The following SEC24A variants were observed in gnomAD, a reference collection of about 807,000 sequenced individuals.
SEC24A encodes SEC24 homolog A, COPII component, also known as protein transport protein Sec24A.
Under a neutral mutation model 129.4 loss-of-function variants are expected in SEC24A, and 93 were observed. The ratio of observed to expected loss-of-function variants is 0.72; its 90% CI spans 0.61 to 0.85. The LOEUF is 0.85. Ranked by LOEUF, SEC24A falls within the 40% of genes least tolerant of loss-of-function variation. SEC24A has a pLI of 0.00. For synonymous variants in SEC24A, 460 were observed against 467.3 expected (o/e 0.98, Z 0.20); for missense variants, 1,264 against 1,307.4 (o/e 0.97, Z 0.51).
intron 15 of SEC24A, among the ~76,000 whole-genome samples, chr5:134,702,586 A>C (rs1167968241): frequency 6.6e-6 from 1 of 152,162 alleles, no homozygotes; most frequent in Admixed American, 6.6e-5. Flanking sequence ...CTCCATGGAA[A>C]ATGTATCTTA....
At chr5:134,724,588 CAAA>C in intron 22 of SEC24A, among the ~76,000 whole-genome samples, 1 of 91,388 alleles carries the variant, frequency 1.1e-5, no homozygotes, top group South Asian at 3.8e-4. Context: ...AACTCCATCT[CAAA>C]AAAAAAAAAA....
intron 13 of SEC24A, among the ~76,000 whole-genome samples, chr5:134,696,327 G>T (rs1198371854): frequency 6.6e-6 from 1 of 151,762 alleles, no homozygotes; most frequent in Non-Finnish European, 1.5e-5. Context: ...TAGGGTAGTT[G>T]AAAGGACTAA....
chr5:134,670,717 C>T (rs998971398), intron 3 of SEC24A, among the ~76,000 whole-genome samples: 3 of 152,214 alleles, frequency 2.0e-5, no homozygotes, highest in Non-Finnish European at 4.4e-5. Flanking sequence ...GGGCTGGGCA[C>T]GGTGGCTCAT....
intron 9 of SEC24A, among the ~76,000 whole-genome samples, chr5:134,684,064 G>A (rs1424263370): frequency 6.6e-6 from 1 of 152,038 alleles, no homozygotes; most frequent in Non-Finnish European, 1.5e-5. Flanking sequence ...CAGCACTTTG[G>A]GATGCCAAGC....
chr5:134,682,822 C>T (rs1205233240), intron 9 of SEC24A, among the ~76,000 whole-genome samples: 1 of 152,154 alleles, frequency 6.6e-6, no homozygotes, highest in Non-Finnish European at 1.5e-5. Context: ...CCACCTTGGC[C>T]TCCCAAAGTG....
intron 12 of SEC24A, 137 bp from the exon 13 acceptor site, chr5:134,693,590 C>T (rs964292283): frequency 1.0e-5 from 15 of 1,434,018 alleles, no homozygotes; most frequent in Middle Eastern, 2.6e-4. Flanking sequence ...GTCATTTGAC[C>T]AACTTCATTG....
intron 1 of SEC24A, among the ~76,000 whole-genome samples, chr5:134,658,843 G>A (rs1328626613): frequency 2.0e-5 from 3 of 152,064 alleles, no homozygotes; most frequent in African/African-American, 7.2e-5. Context: ...GGTGTGGTGT[G>A]GAAATTTCTC....
intron 15 of SEC24A, among the ~76,000 whole-genome samples, chr5:134,700,253 C>T (rs900922896): frequency 1.7e-4 from 26 of 151,816 alleles, no homozygotes; most frequent in African/African-American, 6.0e-4. Context: ...CAGAGTGTTG[C>T]TCTGTCCCCC....
chr5:134,684,387 G>A (rs1241668315), intron 9 of SEC24A, among the ~76,000 whole-genome samples: 1 of 151,644 alleles, frequency 6.6e-6, no homozygotes, highest in Admixed American at 6.6e-5. Context: ...TGAGGAACCA[G>A]TCTCCTTACC....
chr5:134,679,060 G>GA (rs992870902), intron 7 of SEC24A, among the ~76,000 whole-genome samples: 10 of 151,464 alleles, frequency 6.6e-5, no homozygotes, highest in East Asian at 1.9e-4. Context: ...GTTTAATGAG[G>GA]AAAAAAATGG....
chr5:134,696,897 G>C lies in SEC24A; in HGVS notation c.1987-229G>C, dbSNP rs755331855. Among the ~76,000 whole-genome samples the C allele has an allele frequency of 2.6e-5, 4 of 151,998 alleles. No homozygotes were observed. The East Asian group carries it at 7.7e-4, about 29-fold the overall frequency. ...CCCGCCTTGGCTTCCCAAAGTGCTA[G>C]GATTACAGGTGTGAGCCACCACACC... On this transcript the variant is annotated intron_variant, in intron 13 of 22. Transcript: ENST00000398844.
intron 11 of SEC24A, among the ~76,000 whole-genome samples, chr5:134,689,199 C>T (rs1751551035): frequency 6.6e-6 from 1 of 152,152 alleles, no homozygotes; most frequent in African/African-American, 2.4e-5. Flanking sequence ...GATGTGGAAA[C>T]ATTAGAACCC....
intron 15 of SEC24A, among the ~76,000 whole-genome samples, chr5:134,700,894 A>G (rs1045685975): frequency 2.0e-5 from 3 of 151,806 alleles, no homozygotes; most frequent in Admixed American, 6.6e-5. Context: ...AATTTTTTGT[A>G]TTTTTGGTAG....
chr5:134,667,432 C>T (rs1046231636), intron 3 of SEC24A, among the ~76,000 whole-genome samples: 5 of 151,320 alleles, frequency 3.3e-5, no homozygotes, highest in Non-Finnish European at 7.4e-5. Flanking sequence ...AGGCGGATCA[C>T]GAGGTCAGGA....
At chr5:134,708,582 C>G in intron 17 of SEC24A, 131 bp from the exon 18 acceptor site, 2 of 778,246 alleles carry the variant, frequency 2.6e-6, no homozygotes, top group East Asian at 2.7e-5. Context: ...TGTGTTTTGT[C>G]TCATTTGTGT....
chr5:134,708,772 G>A lies in SEC24A; in HGVS notation c.2611G>A (p.Val871Ile). 6.2e-7 allele frequency: 1 copy of A among 1,614,132 alleles called. No individual in the cohort carries two copies. Among genetic ancestry groups the A allele is most frequent in the Non-Finnish European group, 8.5e-7 (1 of 1,179,992 alleles). ...CGCTCGGGATGCTCTAGTGAATGCAGTCATTGACTCCCTTTCAGCTTACCG... is the reference window on the plus strand; with the variant it reads ...CGCTCGGGATGCTCTAGTGAATGCAATCATTGACTCCCTTTCAGCTTACCG... ...SDARDALVNA[V>I]IDSLSAYRSS... The change falls in exon 18 of 23, where the codon GTC (valine) becomes ATC (isoleucine). Residue 871 changes from valine (V) to isoleucine (I), a missense_variant. By Grantham distance (29) the Val-to-Ile change is conservative (BLOSUM62 3). Coordinates refer to ENST00000398844, the MANE Select transcript of SEC24A (RefSeq NM_021982.3).
At chr5:134,695,250 T>C (rs1261662289) in intron 13 of SEC24A, among the ~76,000 whole-genome samples, 1 of 151,988 alleles carries the variant, frequency 6.6e-6, no homozygotes, top group East Asian at 1.9e-4. Flanking sequence ...TGAGAGCCTA[T>C]AGTCCTAGCT....
chr5:134,673,589 C>T (rs1046330730), intron 4 of SEC24A, among the ~76,000 whole-genome samples: 2 of 151,982 alleles, frequency 1.3e-5, no homozygotes, highest in African/African-American at 4.8e-5. Context: ...TCTCAAGTAG[C>T]TGGAACTACA....
chr5:134,697,641 A>T (rs1751868832), intron 14 of SEC24A, among the ~76,000 whole-genome samples: 1 of 152,198 alleles, frequency 6.6e-6, no homozygotes, highest in Non-Finnish European at 1.5e-5. Flanking sequence ...CTGTGGTCCC[A>T]GCTGCCTGGA....
Sources: allele counts gnomAD v4.1 joint callset (sites outside exome capture counted in the v4.1 genomes callset), GRCh38; gene constraint gnomAD v4.1.1; transcripts MANE v1.5; gene names NCBI Gene and HGNC (gene_info 2026-07-23, HGNC 2026-07-21).